The following SEC14L1 variants were observed in gnomAD, a reference collection of about 807,000 sequenced individuals.
The protein encoded by SEC14L1 is SEC14 like lipid binding 1.
A neutral mutation model predicts 85.3 loss-of-function variants in SEC14L1; 48 were observed. That is an observed-to-expected ratio of 0.56 (90% CI 0.45 to 0.72). The LOEUF is 0.72. Among genes scored for constraint, SEC14L1 ranks in the 30% least tolerant of loss-of-function variants. The probability of loss-of-function intolerance (pLI) is 0.00; values close to 1 mark genes in which losing one functional copy is unlikely to be tolerated. For synonymous variants in SEC14L1, 391 were observed against 355.5 expected, an observed-to-expected ratio of 1.10 and a Z score of -1.12; for missense variants, 682 against 921.4, an observed-to-expected ratio of 0.74 and a Z score of 3.36.
chr17:77,096,422 T>C (rs1196400671), intron 3 of SEC14L1, among the ~76,000 whole-genome samples: 1 of 151,048 alleles, frequency 6.6e-6, no homozygotes, highest in South Asian at 2.1e-4. Context: ...CCAGGCGTTA[T>C]GTTGCGTACC....
At chr17:77,164,916 A>G (rs895324374) in intron 3 of SEC14L1, among the ~76,000 whole-genome samples, 1 of 152,210 alleles carries the variant, frequency 6.6e-6, no homozygotes, top group Non-Finnish European at 1.5e-5. Context: ...TTCAGGCCAC[A>G]ATGGAGCTGA....
intron 15 of SEC14L1, 137 bp downstream of exon 15, chr17:77,212,338 G>A: frequency 7.8e-7 from 1 of 1,279,262 alleles, no homozygotes; most frequent in Non-Finnish European, 1.1e-6. Flanking sequence ...GGAGCAGCTT[G>A]CCTGGAGGAG....
At chr17:77,185,208 C>G in intron 3 of SEC14L1, 1 of 985,400 alleles carries the variant, frequency 1.0e-6, no homozygotes, top group South Asian at 4.7e-5. Context: ...GCCCTGCAGC[C>G]TAGCAGTGCA....
At chr17:77,173,062 C>T (rs1041058008) in intron 3 of SEC14L1, among the ~76,000 whole-genome samples, 8 of 152,190 alleles carry the variant, frequency 5.3e-5, no homozygotes, top group Non-Finnish European at 1.2e-4. Context: ...AAGTATATAT[C>T]TGGGGTCTGA....
At chr17:77,110,068 T>C (rs1283336518) in intron 3 of SEC14L1, among the ~76,000 whole-genome samples, 2 of 152,200 alleles carry the variant, frequency 1.3e-5, no homozygotes, top group Non-Finnish European at 2.9e-5. Flanking sequence ...ACTTTTGTCA[T>C]GTTACCCAGA....
At chr17:77,210,353 C>CA (rs1280602781) in intron 14 of SEC14L1, 2 of 152,566 alleles carry the variant, frequency 1.3e-5, no homozygotes, top group Non-Finnish European at 2.9e-5. Flanking sequence ...GAGGGGCCTG[C>CA]AGCGGAATCT....
chr17:77,154,041 G>A (rs920501351), intron 3 of SEC14L1, among the ~76,000 whole-genome samples: 5 of 152,148 alleles, frequency 3.3e-5, no homozygotes, highest in Non-Finnish European at 7.3e-5. Context: ...ACAACCAACC[G>A]TGGATCAGAA....
intron 3 of SEC14L1, chr17:77,093,376 A>G (rs1271326034): frequency 6.6e-6 from 1 of 152,090 alleles, no homozygotes; most frequent in Non-Finnish European, 1.5e-5. Flanking sequence ...TTGACCACAT[A>G]TTTTTTGAAT....
chr17:77,162,239 G>A (rs977987034), intron 3 of SEC14L1, among the ~76,000 whole-genome samples: 4 of 152,212 alleles, frequency 2.6e-5, no homozygotes, highest in African/African-American at 9.6e-5. Flanking sequence ...GTCTGCCTGG[G>A]TGGGATTCTG....
Position 77,213,367 on chromosome 17 carries a change from C to T in SEC14L1, c.1917C>T (p.His639=), listed in dbSNP as rs144414694. The part of the protein sequence containing the change: ...PGFYILQWKF[H]SMPACAASSL... ...TCTACATCCTGCAGTGGAAATTCCA[C>T]AGCATGCCTGCGTGCGCCGCCAGCA... is the stretch of plus-strand genomic sequence containing the variant. Residue 639 remains histidine, a synonymous_variant, in exon 16 of 17, where the codon CAC becomes CAT. Coordinates refer to ENST00000436233, the MANE Select transcript of SEC14L1 (RefSeq NM_001143998.2). The surrounding 1 kb of genome is among the most constrained non-coding windows in gnomAD (Gnocchi z 7.1). 4.2e-4 allele frequency: 683 copies of T among 1,613,280 alleles called. 3 individuals are homozygous for T. Among genetic ancestry groups the T allele is most frequent in the Middle Eastern group, 1.6e-3 (10 of 6,080 alleles).
intron 3 of SEC14L1, among the ~76,000 whole-genome samples, chr17:77,180,041 T>A (rs11870708): frequency 1.5e-5 from 2 of 136,966 alleles, no homozygotes; most frequent in African/African-American, 2.7e-5. Flanking sequence ...ATGTTATGTT[T>A]TGTTTTGTTA....
intron 2 of SEC14L1, chr17:77,089,611 T>G (rs1971458322): frequency 1.6e-5 from 7 of 431,576 alleles, no homozygotes; most frequent in Non-Finnish European, 2.8e-5. Flanking sequence ...TACATTGGCC[T>G]GACATCATGT....
Position 77,162,030 on chromosome 17 carries a change from A to C in SEC14L1, c.63+18371A>C, listed in dbSNP as rs539238235. Among the ~76,000 whole-genome samples, 15 of 151,848 alleles carry C rather than the reference A, an allele frequency of 9.9e-5. No homozygotes were observed. The East Asian group carries it at 2.7e-3, about 27-fold the overall frequency. On this transcript the variant is annotated intron_variant, in intron 3 of 16. Coordinates refer to ENST00000436233, the MANE Select transcript of SEC14L1 (RefSeq NM_001143998.2). The stretch of plus-strand genomic sequence containing the variant: ...TGCTACATACAAATCCCCGACCCAG[A>C]ATTCTGCAGGTCGTCTATGAATGGT...
Position 77,142,712 on chromosome 17 carries a change from A to G in SEC14L1, c.-69A>G, listed in dbSNP as rs1973116438. ...TGAATATCCTCTCACCATGTTCAGC[A>G]TAAAGTACCATTCTTAATGATTATC... On this transcript the variant is annotated 5_prime_UTR_variant, in exon 2 of 17. Coordinates refer to ENST00000436233, the MANE Select transcript of SEC14L1 (RefSeq NM_001143998.2). The G allele has an allele frequency of 6.6e-6, 1 of 152,122 alleles. No individual in the cohort carries two copies. Among genetic ancestry groups the G allele is most frequent in the African/African-American group, 2.4e-5 (1 of 41,390 alleles). The allele number at this position is 152,122 out of a possible 1,614,324, so 9.4% of individuals were successfully genotyped here.
At chr17:77,122,475 T>A (rs1425178261) in intron 3 of SEC14L1, among the ~76,000 whole-genome samples, 1 of 152,228 alleles carries the variant, frequency 6.6e-6, no homozygotes, top group East Asian at 1.9e-4. Flanking sequence ...CTACTTTTTT[T>A]ATTTTTTGTA....
chr17:77,140,518 G>A (rs570876171), upstream of SEC14L1, among the ~76,000 whole-genome samples: 1 of 152,260 alleles, frequency 6.6e-6, no homozygotes, highest in African/African-American at 2.4e-5. Context: ...ACCAGAGGCA[G>A]GCCTCAGAGC....
upstream of SEC14L1, among the ~76,000 whole-genome samples, chr17:77,136,488 C>T (rs141878471): frequency 6.6e-6 from 1 of 152,254 alleles, no homozygotes; most frequent in East Asian, 1.9e-4. Flanking sequence ...TATTATACAT[C>T]CTTTGCTTCT....
intron 3 of SEC14L1, among the ~76,000 whole-genome samples, chr17:77,130,866 A>G (rs189556011): frequency 6.6e-5 from 10 of 152,312 alleles, no homozygotes; most frequent in Admixed American, 5.2e-4. Flanking sequence ...TCGACTTCCC[A>G]AAGTGCTGGG....
chr17:77,159,382 C>CTT (rs763082986), intron 3 of SEC14L1, among the ~76,000 whole-genome samples: 24 of 118,204 alleles, frequency 2.0e-4, no homozygotes, highest in East Asian at 5.1e-4. Context: ...TCTTCTTCTT[C>CTT]TTTTTTTTTT....
Sources: allele counts gnomAD v4.1 joint callset (sites outside exome capture counted in the v4.1 genomes callset), GRCh38; gene constraint gnomAD v4.1.1; non-coding constraint Gnocchi (gnomAD v3.1); transcripts MANE v1.5; gene names NCBI Gene and HGNC (gene_info 2026-07-23, HGNC 2026-07-21).